ODF2: variants seen among roughly 807,000 people sequenced by gnomAD.
ODF2 encodes the protein outer dense fiber protein 2.
A neutral mutation model predicts 110.2 loss-of-function variants in ODF2; 47 were observed. That is an observed-to-expected ratio of 0.43 (90% confidence interval 0.34 to 0.54). ODF2 has a LOEUF of 0.54. Ranked by LOEUF, ODF2 falls within the 20% of genes least tolerant of loss-of-function variation. ODF2 has a pLI of 0.03. For synonymous variants in ODF2, 352 were observed against 397.7 expected (o/e 0.89, Z 1.37); for missense variants, 812 against 1,054.5 (o/e 0.77, Z 3.19).
At chr9:128,471,322 A>G in exon 6 of ODF2, 1 of 1,608,884 alleles carries the variant, frequency 6.2e-7, no homozygotes, top group Non-Finnish European at 8.5e-7. Context: ...AGATGCAAAA[A>G]GGTGAGCGCC....
chr9:128,494,747 A>C lies in ODF2; in HGVS notation c.1911+79A>C. ...ACCAAGATGAGCTGCACGCCCCCCA[A>C]GGGAGGACTACTTCCTTTTTCTTGG... On this transcript the variant is annotated intron_variant, in intron 17 of 20. Transcript: ENST00000604420. The surrounding 1 kb of genome is among the most constrained non-coding windows in gnomAD (Gnocchi z 4.6). The C allele has an allele frequency of 6.2e-7, 1 of 1,613,038 alleles. No homozygotes were observed. Among genetic ancestry groups the C allele is most frequent in the Non-Finnish European group, 8.5e-7 (1 of 1,179,662 alleles).
Position 128,457,480 on chromosome 9 carries a change from A to C in ODF2, c.32+43A>C, listed in dbSNP as rs1252422486. 5.8e-6 allele frequency: 9 copies of C among 1,556,892 alleles called. No individual in the cohort carries two copies. In the Admixed American group the frequency reaches 1.7e-4, roughly 30 times the overall value. ...GGCGCCTGCGCCGGAGGGCAGGGAAAGGTGGCCAGGGGTCCCCAGGGCAGG... is the reference window on the plus strand; with the variant it reads ...GGCGCCTGCGCCGGAGGGCAGGGAACGGTGGCCAGGGGTCCCCAGGGCAGG... On this transcript the variant is annotated intron_variant, in intron 2 of 20. Coordinates refer to ENST00000604420, the Ensembl canonical transcript of ODF2.
intron 8 of ODF2, among the ~76,000 whole-genome samples, chr9:128,475,339 C>T (rs566286871): frequency 6.6e-6 from 1 of 152,016 alleles, no homozygotes; most frequent in Admixed American, 6.6e-5. Context: ...GACTGTAGTT[C>T]TTTTCTTATT....
chr9:128,476,402 C>T (rs1439407771), intron 8 of ODF2, among the ~76,000 whole-genome samples: 1 of 152,132 alleles, frequency 6.6e-6, no homozygotes, highest in African/African-American at 2.4e-5. Flanking sequence ...ATTTTCCTGT[C>T]TCAGCCTCCC....
chr9:128,460,689 A>G lies in ODF2; in HGVS notation c.124-253A>G, dbSNP rs745968214. The G allele has an allele frequency of 1.9e-6, 3 of 1,613,408 alleles. No individual in the cohort carries two copies. The Admixed American group carries it at 5.0e-5, about 27-fold the overall frequency. ...CAGGTAGGAGCATGCCAGTGGGGCGAGGTAGTAGCTGTGGATCTGGGTGAT... is the reference window on the plus strand; with the variant it reads ...CAGGTAGGAGCATGCCAGTGGGGCGGGGTAGTAGCTGTGGATCTGGGTGAT... On this transcript the variant is annotated intron_variant, in intron 3 of 20. Transcript: ENST00000604420.
At chr9:128,497,435 AAAAAAAAAAAAATATATATAT>A (rs1383414311) in intron 18 of ODF2, 7 of 97,868 alleles carry the variant, frequency 7.2e-5, no homozygotes, top group African/African-American at 3.4e-4. Context: ...AAAAAAAAAA[AAAAAAAAAAAAATATATATAT>A]ATATATATAT....
chr9:128,469,209 G>A (rs778922561), exon 5 of ODF2: 11 of 1,613,776 alleles, frequency 6.8e-6, no homozygotes, highest in Admixed American at 1.7e-5. Flanking sequence ...TGGAGATCAC[G>A]CCACCATCTT....
chr9:128,497,359 G>A (rs1444457892), intron 18 of ODF2: 2 of 142,090 alleles, frequency 1.4e-5, no homozygotes, highest in Admixed American at 7.2e-5. Context: ...AGGCCGAGGC[G>A]GGCGGATCAC....
chr9:128,472,852 C>A, intron 6 of ODF2, 61 bp from the exon 7 acceptor site: 1 of 1,608,246 alleles, frequency 6.2e-7, no homozygotes, highest in South Asian at 1.1e-5. Flanking sequence ...TGAGGCAAGC[C>A]TTGGATCTCT....
At chr9:128,499,510 G>T (rs759694436) in intron 20 of ODF2, among the ~76,000 whole-genome samples, 31 of 152,162 alleles carry the variant, frequency 2.0e-4, no homozygotes, top group Non-Finnish European at 4.0e-4. Flanking sequence ...GGCCAGGCTG[G>T]TCTTCAACTC....
intron 5 of ODF2, among the ~76,000 whole-genome samples, chr9:128,470,020 T>TATATATATATATAC (rs1839494592): frequency 5.5e-5 from 1 of 18,072 alleles, no homozygotes; most frequent in Non-Finnish European, 1.1e-4. Context: ...AAAAAAAAAA[T>TATATATATATATAC]ATATATATAT....
At chr9:128,466,985 A>T (rs1838124423) in intron 4 of ODF2, among the ~76,000 whole-genome samples, 1 of 16,936 alleles carries the variant, frequency 5.9e-5, no homozygotes, top group Non-Finnish European at 1.1e-4. Flanking sequence ...TCAATTAAAA[A>T]AAAAAAAAAA....
intron 8 of ODF2, among the ~76,000 whole-genome samples, chr9:128,475,833 A>C (rs1841147035): frequency 6.6e-6 from 1 of 151,938 alleles, no homozygotes; most frequent in South Asian, 2.1e-4. Flanking sequence ...TTTAGTAGAC[A>C]CAGGGTTTCA....
chr9:128,478,879 T>C (rs1176406397), intron 8 of ODF2, among the ~76,000 whole-genome samples: 1 of 152,206 alleles, frequency 6.6e-6, no homozygotes, highest in Non-Finnish European at 1.5e-5. Flanking sequence ...GGCCCAGTAC[T>C]ACCCCTTCCA....
intron 2 of ODF2, chr9:128,457,481 G>A (rs1433165917): frequency 6.5e-6 from 10 of 1,544,468 alleles, no homozygotes; most frequent in African/African-American, 1.4e-5. Flanking sequence ...GGCAGGGAAA[G>A]GTGGCCAGGG....
chr9:128,456,355 CG>C (rs1320893449), intron 1 of ODF2, 100 bp downstream of exon 1: 3 of 1,434,378 alleles, frequency 2.1e-6, no homozygotes, highest in Non-Finnish European at 2.7e-6. Context: ...GCGGGGCCGT[CG>C]GGTCCTGGGT....
At chr9:128,457,375 T>C in exon 2 of ODF2, 1 of 1,612,790 alleles carries the variant, frequency 6.2e-7, no homozygotes, top group Non-Finnish European at 8.5e-7. Context: ...GCTGACCCAA[T>C]TGCCCACCTT....
chr9:128,474,479 C>CGA (rs1309877080), intron 8 of ODF2, among the ~76,000 whole-genome samples: 10 of 148,876 alleles, frequency 6.7e-5, no homozygotes, highest in Non-Finnish European at 1.3e-4. Context: ...GGCGACAGAG[C>CGA]GAGATTCCAT....
intron 14 of ODF2, among the ~76,000 whole-genome samples, chr9:128,488,514 T>C (rs1029914333): frequency 6.6e-6 from 1 of 152,134 alleles, no homozygotes; most frequent in Admixed American, 6.5e-5. Context: ...GCCTCTTCCT[T>C]AGGTAGAGGA....
Sources: gnomAD v4.1 joint callset for allele counts (sites outside exome capture counted in the v4.1 genomes callset) on GRCh38, gnomAD v4.1.1 for gene constraint, Gnocchi (gnomAD v3.1) non-coding constraint, MANE v1.5 for transcripts, NCBI Gene and HGNC (gene_info 2026-07-23, HGNC 2026-07-21) for gene names.